STT3B: variants seen among roughly 807,000 people sequenced by gnomAD.
The protein encoded by STT3B is STT3 oligosaccharyltransferase complex catalytic subunit B.
STT3B carries 29 observed loss-of-function variants against 96.8 expected under a neutral mutation model. That is an observed-to-expected ratio of 0.30 (90% CI 0.22 to 0.41). STT3B has a LOEUF of 0.41. Ranked by LOEUF, STT3B falls within the 10% of genes least tolerant of loss-of-function variation. STT3B has a pLI of 1.00. For synonymous variants in STT3B, 367 were observed against 360.0 expected (o/e 1.02, Z -0.22); for missense variants, 640 against 1,022.3 (o/e 0.63, Z 5.10).
intron 3 of STT3B, among the ~76,000 whole-genome samples, chr3:31,582,962 A>T (rs961616605): frequency 6.6e-6 from 1 of 152,142 alleles, no homozygotes; most frequent in Non-Finnish European, 1.5e-5. Flanking sequence ...GGCCCAACAT[A>T]TTGTCTGTCC....
chr3:31,634,940 T>C (rs2125481989), intron 15 of STT3B, among the ~76,000 whole-genome samples: 1 of 152,290 alleles, frequency 6.6e-6, no homozygotes, highest in African/African-American at 2.4e-5. Flanking sequence ...TATAATGGGG[T>C]TAACAAGTTA....
intron 3 of STT3B, among the ~76,000 whole-genome samples, chr3:31,588,647 C>T (rs1386468118): frequency 6.6e-6 from 1 of 151,936 alleles, no homozygotes; most frequent in Non-Finnish European, 1.5e-5. Context: ...AAGTGTTGCA[C>T]TTTACATTCA....
chr3:31,570,766 T>G (rs189004082), intron 1 of STT3B, among the ~76,000 whole-genome samples: 2 of 152,058 alleles, frequency 1.3e-5, no homozygotes, highest in Admixed American at 6.6e-5. Context: ...AATGGAAGAT[T>G]TGTAGTCAAG....
chr3:31,614,904 T>G (rs1447846958), intron 5 of STT3B, among the ~76,000 whole-genome samples: 2 of 151,996 alleles, frequency 1.3e-5, no homozygotes, highest in African/African-American at 4.8e-5. Flanking sequence ...AATATAGTAC[T>G]TAGTATTTTT....
At chr3:31,544,623 T>TA (rs1330305903) in intron 1 of STT3B, among the ~76,000 whole-genome samples, 1 of 152,176 alleles carries the variant, frequency 6.6e-6, no homozygotes, top group Non-Finnish European at 1.5e-5. Flanking sequence ...AGTGTGCCTT[T>TA]AAAAAAATCT....
Position 31,599,639 on chromosome 3 carries a change from G to T in STT3B, c.778-721G>T, listed in dbSNP as rs575205923. 3.9e-5 allele frequency among the ~76,000 whole-genome samples: 6 copies of T among 152,254 alleles called. No individual in the cohort carries two copies. The East Asian group carries it at 9.7e-4, about 25-fold the overall frequency. ...GCTCTGATTATTAGAGGACATCTAA[G>T]AACTTTGATATTGACAGGAGCTTAT... On this transcript the variant is annotated intron_variant, in intron 4 of 15. Coordinates refer to ENST00000295770, the MANE Select transcript of STT3B (RefSeq NM_178862.3).
intron 1 of STT3B, among the ~76,000 whole-genome samples, chr3:31,566,712 C>T (rs574175897): frequency 2.0e-5 from 3 of 152,260 alleles, no homozygotes; most frequent in African/African-American, 2.4e-5. Flanking sequence ...GCAATCTCTA[C>T]CCCTTCCTCC....
chr3:31,603,543 G>A (rs1698980483), intron 5 of STT3B, among the ~76,000 whole-genome samples: 1 of 152,008 alleles, frequency 6.6e-6, no homozygotes, highest in Non-Finnish European at 1.5e-5. Context: ...TGTTTTAAAA[G>A]GAACACCCAA....
intron 1 of STT3B, among the ~76,000 whole-genome samples, chr3:31,572,038 G>GATATATTAATATATTTA (rs1272943458): frequency 5.0e-5 from 2 of 39,832 alleles, no homozygotes; most frequent in African/African-American, 9.6e-5. Context: ...ATTAATATAT[G>GATATATTAATATATTTA]ATATATTAAT....
intron 1 of STT3B, among the ~76,000 whole-genome samples, chr3:31,536,978 C>T (rs1357983491): frequency 6.6e-6 from 1 of 152,202 alleles, no homozygotes; most frequent in African/African-American, 2.4e-5. Flanking sequence ...CCCATAGAAG[C>T]AATGAAGTTC....
chr3:31,567,658 G>A (rs1269660985), intron 1 of STT3B, among the ~76,000 whole-genome samples: 1 of 152,090 alleles, frequency 6.6e-6, no homozygotes, highest in East Asian at 1.9e-4. Flanking sequence ...TTGTTTTGAA[G>A]ATATAAAAGC....
intron 1 of STT3B, among the ~76,000 whole-genome samples, chr3:31,548,290 A>G (rs1483986584): frequency 6.6e-6 from 1 of 152,172 alleles, no homozygotes; most frequent in Non-Finnish European, 1.5e-5. Context: ...AGATTTCACC[A>G]GGTTGAGCAT....
chr3:31,599,940 TCTTA>T (rs1278431118), intron 4 of STT3B, among the ~76,000 whole-genome samples: 2 of 152,306 alleles, frequency 1.3e-5, no homozygotes, highest in East Asian at 1.9e-4. Context: ...CTTTCATTGC[TCTTA>T]CTCTCAGTGA....
At chr3:31,553,938 A>G (rs1407496885) in intron 1 of STT3B, among the ~76,000 whole-genome samples, 5 of 144,790 alleles carry the variant, frequency 3.5e-5, no homozygotes, top group African/African-American at 1.2e-4. Context: ...TTTGAGATCT[A>G]TAATCTATTC....
intron 15 of STT3B, among the ~76,000 whole-genome samples, chr3:31,635,740 TTCATTC>T (rs1699743737): frequency 6.6e-6 from 1 of 152,204 alleles, no homozygotes; most frequent in African/African-American, 2.4e-5. Context: ...GGGCTGAAGA[TTCATTC>T]ACTTGATGGT....
rs572084553 is a variant in STT3B, at chr3:31,575,468, G to T, written c.315-928G>T. The stretch of plus-strand genomic sequence containing the variant: ...TTTTGTCAAATGCTTGATTTTTTTG[G>T]GGGGGGGATATGTTGCTTATTTTAG... On this transcript the variant is annotated intron_variant, in intron 1 of 15. Transcript: ENST00000295770. Among the ~76,000 whole-genome samples, 69 of 150,578 alleles carry T rather than the reference G, an allele frequency of 4.6e-4. No individual in the cohort carries two copies. The South Asian group carries it at 0.011, about 25-fold the overall frequency.
At chr3:31,587,727 G>A (rs1292464428) in intron 3 of STT3B, among the ~76,000 whole-genome samples, 1 of 152,042 alleles carries the variant, frequency 6.6e-6, no homozygotes, top group African/African-American at 2.4e-5. Context: ...GAACATCTGT[G>A]TGCATTTTTA....
intron 1 of STT3B, among the ~76,000 whole-genome samples, chr3:31,538,070 A>T (rs1411587716): frequency 6.6e-6 from 1 of 152,190 alleles, no homozygotes; most frequent in African/African-American, 2.4e-5. Context: ...CTAAACTATT[A>T]TAAAAATTTT....
chr3:31,576,973 T>A (rs1487438656), intron 2 of STT3B, among the ~76,000 whole-genome samples: 1 of 152,162 alleles, frequency 6.6e-6, no homozygotes, highest in Non-Finnish European at 1.5e-5. Context: ...TCATGCAGAC[T>A]TCTGATATCC....
Sources: gnomAD v4.1 joint callset for allele counts (sites outside exome capture counted in the v4.1 genomes callset) on GRCh38, gnomAD v4.1.1 for gene constraint, MANE v1.5 for transcripts, NCBI Gene and HGNC (gene_info 2026-07-23, HGNC 2026-07-21) for gene names.